The following UMOD variants were observed in gnomAD, a reference collection of about 807,000 sequenced individuals.
The protein encoded by UMOD is uromodulin.
UMOD carries 64 observed loss-of-function variants against 66.0 expected under a neutral mutation model. The observed-to-expected ratio is 0.97, with a 90% CI of 0.79 to 1.19. UMOD has a LOEUF of 1.19. Among genes scored for constraint, UMOD ranks in the 50% most tolerant of loss-of-function variants. UMOD has a pLI of 0.00. For missense variants in UMOD, 764 were observed against 850.9 expected (o/e 0.90, Z 1.27); for synonymous variants, 398 against 352.7 (o/e 1.13, Z -1.44).
At chr16:20,354,381 G>T (rs1596571567), upstream of UMOD, among the ~76,000 whole-genome samples, 2 of 152,206 alleles carry the variant, frequency 1.3e-5, no homozygotes, top group South Asian at 4.2e-4. Flanking sequence ...ATTATAAATT[G>T]GTTTACAATC....
chr16:20,344,212 G>C (rs1385286890), intron 5 of UMOD, 40 bp from the exon 6 acceptor site: 5 of 1,568,596 alleles, frequency 3.2e-6, no homozygotes. Flanking sequence ...GTGGGGATGA[G>C]AGAAAGGGGC....
rs780815321 is a variant in UMOD at position 20,350,716 on chromosome 16, A to G, written c.22T>C (p.Trp8Arg). Residue 8 changes from tryptophan (W) to arginine (R), a missense_variant, in exon 2 of 11, where the codon TGG becomes CGG. Coordinates refer to ENST00000396138, the MANE Select transcript of UMOD (RefSeq NM_003361.4). ...GAGGCCACCACCACCATCAGCATCC[A>G]AGTCAGAGATGGCTGCCCCATCCTT... MGQPSLT[W>R]MLMVVVASWF... The G allele has an allele frequency of 6.2e-7, 1 of 1,614,130 alleles. No homozygotes were observed. The highest frequency in any genetic ancestry group is 1.1e-5 in the South Asian group (1 of 91,074).
At chr16:20,344,935 T>C (rs751996626) in intron 5 of UMOD, among the ~76,000 whole-genome samples, 2 of 152,226 alleles carry the variant, frequency 1.3e-5, no homozygotes, top group African/African-American at 4.8e-5. Context: ...CTTCCTCTCT[T>C]GAAAACTGAA....
chr16:20,340,151 TA>T (rs1965110983), intron 7 of UMOD, among the ~76,000 whole-genome samples: 1 of 152,134 alleles, frequency 6.6e-6, no homozygotes, highest in Non-Finnish European at 1.5e-5. Context: ...ATGCCTAAAA[TA>T]AAATATTTAA....
Position 20,337,384 on chromosome 16 carries a change from G to T in UMOD, c.1647C>A (p.Ser549=). 1 of 1,614,170 alleles carries T rather than the reference G, an allele frequency of 6.2e-7. No homozygotes were observed. The highest frequency in any genetic ancestry group is 1.1e-5 in the South Asian group (1 of 91,084). The change falls in exon 8 of 11, where the codon TCC becomes TCA. Residue 549 remains serine, a synonymous_variant. Transcript: ENST00000396138. ...TTCCAGCAAACCGGAACATCTGGACGGAAAATCGGCCCTGGGAGGACTCCC... is the reference window on the plus strand; with the variant it reads ...TTCCAGCAAACCGGAACATCTGGACTGAAAATCGGCCCTGGGAGGACTCCC... ...ENGESSQGRF[S]VQMFRFAGNY... is the part of the protein sequence containing the mutation.
chr16:20,344,234 A>C lies in UMOD; in HGVS notation c.1183-62T>G. 3.3e-6 allele frequency: 5 copies of C among 1,514,032 alleles called. 1 individual carries two copies. The South Asian group carries it at 5.6e-5, about 17-fold the overall frequency. The allele number at this position is 1,514,032 out of a possible 1,614,324, so 93.8% of individuals were successfully genotyped here. ...TGAGAGAAAGGGGCATGAGAATCTG[A>C]GTAGGACTTCAAAGCTAAATCTGCT... On this transcript the variant is annotated intron_variant, in intron 5 of 10. Transcript: ENST00000396138.
At chr16:20,340,440 GTGTGTGTGTGTGTATATATA>G (rs1467716789) in intron 7 of UMOD, among the ~76,000 whole-genome samples, 1 of 135,372 alleles carries the variant, frequency 7.4e-6, no homozygotes, top group Non-Finnish European at 1.5e-5. Flanking sequence ...TTATATCTTT[GTGTGTGTGTGTGTATATATA>G]TGTGTGTGTG....
At chr16:20,339,397 G>T (rs778794552) in intron 7 of UMOD, among the ~76,000 whole-genome samples, 6 of 152,156 alleles carry the variant, frequency 3.9e-5, no homozygotes, top group African/African-American at 1.2e-4. Context: ...GAATCTTTAG[G>T]TCATGAATTC....
At chr16:20,346,073 G>C (rs777824964) in intron 5 of UMOD, 53 bp downstream of exon 5, 12 of 1,559,842 alleles carry the variant, frequency 7.7e-6, no homozygotes, top group Non-Finnish European at 8.8e-6. Context: ...TGATAGAGCT[G>C]AAGCTTGAAC....
Position 20,336,720 on chromosome 16 carries a change from G to A in UMOD, c.1748C>T (p.Ser583Phe), listed in dbSNP as rs746101835. ...TMNEKCKPTC[S>F]GTRFRSGSVI... ...ACTCCCACTTCGGAATCTGGTCCCA[G>A]AGCAGGTCTACAGGGAGAGGGCAAT... Residue 583 changes from serine to phenylalanine, a missense_variant, in exon 9 of 11, where the codon TCT becomes TTT. Coordinates refer to ENST00000396138, the MANE Select transcript of UMOD (RefSeq NM_003361.4). 1 of 1,613,982 alleles carries A rather than the reference G, an allele frequency of 6.2e-7. No individual in the cohort carries two copies. Among genetic ancestry groups the A allele is most frequent in the Non-Finnish European group, 8.5e-7 (1 of 1,179,992 alleles).
At chr16:20,347,025 C>CTT (rs71149134) in intron 4 of UMOD, among the ~76,000 whole-genome samples, 1 of 151,818 alleles carries the variant, frequency 6.6e-6, no homozygotes, top group African/African-American at 2.4e-5. Context: ...CTCTCTCTCT[C>CTT]TTTTTTTTGA....
Position 20,348,982 on chromosome 16 carries a change from T to C in UMOD, c.319A>G (p.Thr107Ala), listed in dbSNP as rs145974442. ...GFRLSPGLGC[T>A]DVDECAEPGL... ...GGCTCAGCGCACTCATCCACGTCTG[T>C]GCAGCCGAGACCGGGCGACAGGCGG... The change falls in exon 3 of 11, where the codon ACA becomes GCA. Residue 107 changes from threonine (T) to alanine (A), a missense_variant. Transcript: ENST00000396138. 3 of 1,574,516 alleles carry C rather than the reference T, an allele frequency of 1.9e-6. No homozygotes were observed. Among genetic ancestry groups the C allele is most frequent in the African/African-American group, 2.7e-5 (2 of 74,042 alleles).
upstream of UMOD, among the ~76,000 whole-genome samples, chr16:20,354,272 T>C: frequency 6.6e-6 from 1 of 152,176 alleles, no homozygotes; most frequent in East Asian, 1.9e-4. Context: ...TGTTGTCATC[T>C]CCTCAGGATT....
chr16:20,350,434 A>G (rs1436569776), intron 2 of UMOD, among the ~76,000 whole-genome samples: 1 of 152,216 alleles, frequency 6.6e-6, no homozygotes, highest in African/African-American at 2.4e-5. Flanking sequence ...GTCCTACTGC[A>G]GATCTGCTGA....
intron 5 of UMOD, 127 bp from the exon 6 acceptor site, chr16:20,344,299 T>G: frequency 1.0e-6 from 1 of 971,968 alleles, no homozygotes; most frequent in Non-Finnish European, 1.6e-6. Flanking sequence ...TCTCCTAGTC[T>G]CCTTGATAAA....
chr16:20,350,025 T>A (rs941290246), intron 2 of UMOD, among the ~76,000 whole-genome samples: 1 of 152,202 alleles, frequency 6.6e-6, no homozygotes, highest in African/African-American at 2.4e-5. Context: ...ATCCTTATTT[T>A]AAAGATGAGG....
chr16:20,345,534 T>A (rs894325881), intron 5 of UMOD, among the ~76,000 whole-genome samples: 1 of 122,280 alleles, frequency 8.2e-6, no homozygotes, highest in Non-Finnish European at 1.7e-5. Context: ...CTTCCTTCCT[T>A]CCCTCTCTCT....
intron 5 of UMOD, among the ~76,000 whole-genome samples, chr16:20,345,506 T>TCCCTACCTCCCTCCCTCCCTC (rs1567306759): frequency 3.4e-5 from 1 of 29,514 alleles, no homozygotes; most frequent in Non-Finnish European, 7.0e-5. Flanking sequence ...CTCCCTCCCT[T>TCCCTACCTCCCTCCCTCCCTC]CCTTCCTTCC....
Position 20,336,643 on chromosome 16 carries a change from T to C in UMOD, c.1822+3A>G, listed in dbSNP as rs1330205785. Reference sequence around the variant, plus strand: ...AATGTTGAGGAGCGAGTGGCTCTCTTACCTTTCCGTGTGATGGGACCCAAG... The same window carrying C: ...AATGTTGAGGAGCGAGTGGCTCTCTCACCTTTCCGTGTGATGGGACCCAAG... On this transcript the variant is annotated splice_donor_region_variant and intron_variant, in intron 9 of 10. Transcript: ENST00000396138. The C allele has an allele frequency of 3.7e-6, 6 of 1,613,734 alleles. No homozygotes were observed. The East Asian group carries it at 1.1e-4, about 30-fold the overall frequency.
Sources: gnomAD v4.1 joint callset for allele counts (sites outside exome capture counted in the v4.1 genomes callset) on GRCh38, gnomAD v4.1.1 for gene constraint, MANE v1.5 for transcripts, NCBI Gene and HGNC (gene_info 2026-07-23, HGNC 2026-07-21) for gene names.